Variants in OTUD7A observed in about 807,000 individuals in gnomAD.
OTUD7A encodes the protein OTU deubiquitinase 7A, also known as OTU domain-containing protein 7A.
In OTUD7A, 12 loss-of-function variants were observed where a neutral mutation model predicts 65.7. The observed-to-expected ratio is 0.18, with a 90% CI of 0.12 to 0.30. The LOEUF is 0.30. Ranked by LOEUF, OTUD7A falls within the 10% of genes least tolerant of loss-of-function variation. The pLI is 1.00. For synonymous variants in OTUD7A, 641 were observed against 586.3 expected, an observed-to-expected ratio of 1.09 and a Z score of -1.35; for missense variants, 1,148 against 1,304.8, an observed-to-expected ratio of 0.88 and a Z score of 1.85.
Position 31,673,544 on chromosome 15 carries a change from G to T in OTUD7A, c.-99-16467C>A, listed in dbSNP as rs4041944. 3.7e-3 allele frequency among the ~76,000 whole-genome samples: 559 copies of T among 152,248 alleles called. 5 individuals are homozygous for T. Among genetic ancestry groups the T allele is most frequent in the East Asian group, 0.037 (190 of 5,190 alleles). ...CCCTCAGCATTGGAATGCTTGCAAG[G>T]CCGCTTTGCTTTGAAAGATTTATGT... On this transcript the variant is annotated intron_variant, in intron 1 of 12. Coordinates refer to ENST00000307050, the MANE Select transcript of OTUD7A (RefSeq NM_001382637.1).
At chr15:31,743,536 T>C (rs1040825817) in intron 1 of OTUD7A, among the ~76,000 whole-genome samples, 5 of 151,424 alleles carry the variant, frequency 3.3e-5, no homozygotes, top group Admixed American at 2.6e-4. Context: ...TAAGTATATA[T>C]GAAAGATAAG....
chr15:31,591,784 C>T (rs1889732358), intron 3 of OTUD7A, among the ~76,000 whole-genome samples: 1 of 152,188 alleles, frequency 6.6e-6, no homozygotes. Flanking sequence ...AATGGAAATA[C>T]CTACTGAGAA....
At chr15:31,797,426 C>G (rs1895997175) in intron 1 of OTUD7A, among the ~76,000 whole-genome samples, 1 of 152,160 alleles carries the variant, frequency 6.6e-6, no homozygotes, top group Non-Finnish European at 1.5e-5. Context: ...ACGACGAGTA[C>G]CTATTCCATT....
At chr15:31,816,364 A>T (rs556991254) in intron 1 of OTUD7A, among the ~76,000 whole-genome samples, 1 of 152,230 alleles carries the variant, frequency 6.6e-6, no homozygotes, top group East Asian at 1.9e-4. Flanking sequence ...TTAACAACGA[A>T]TCCCACTATA....
At chr15:31,664,434 T>C (rs1013298706) in intron 1 of OTUD7A, among the ~76,000 whole-genome samples, 3 of 152,198 alleles carry the variant, frequency 2.0e-5, no homozygotes, top group African/African-American at 7.2e-5. Flanking sequence ...TTGAGCATTT[T>C]TTCATGTTTG....
chr15:31,539,329 T>C (rs1351235626), intron 5 of OTUD7A, among the ~76,000 whole-genome samples: 2 of 151,978 alleles, frequency 1.3e-5, no homozygotes, highest in Non-Finnish European at 2.9e-5. Context: ...CCTCTGCTTG[T>C]TCCAGCCTTT....
intron 1 of OTUD7A, among the ~76,000 whole-genome samples, chr15:31,692,776 C>G (rs1892985492): frequency 6.6e-6 from 1 of 151,312 alleles, no homozygotes; most frequent in Non-Finnish European, 1.5e-5. Flanking sequence ...CGAAGCTTAC[C>G]TAAGAACAGC....
chr15:31,815,837 G>A (rs1896535226), intron 1 of OTUD7A, among the ~76,000 whole-genome samples: 1 of 152,246 alleles, frequency 6.6e-6, no homozygotes, highest in African/African-American at 2.4e-5. Context: ...CTACAGAGAT[G>A]AGGAACACTC....
At chr15:31,795,155 A>C (rs1895919578) in intron 1 of OTUD7A, among the ~76,000 whole-genome samples, 1 of 152,244 alleles carries the variant, frequency 6.6e-6, no homozygotes, top group Non-Finnish European at 1.5e-5. Context: ...CCTAGGATAA[A>C]AGGTTACTGG....
intron 1 of OTUD7A, among the ~76,000 whole-genome samples, chr15:31,866,513 T>A (rs545066067): frequency 2.6e-5 from 4 of 152,332 alleles, no homozygotes; most frequent in African/African-American, 9.6e-5. Flanking sequence ...TCCAAAAGTG[T>A]GATGAAGGCG....
chr15:31,501,964 G>A lies in OTUD7A; in HGVS notation c.1022-125C>T, dbSNP rs572338909. On this transcript the variant is annotated intron_variant, in intron 9 of 12. Coordinates refer to ENST00000307050, the MANE Select transcript of OTUD7A (RefSeq NM_001382637.1). ...GTGGAGAAGCGGAGGGACAGGAGGG[G>A]TGGATGGAGGCGGTGCTGAGGGATG... 7.3e-6 allele frequency: 8 copies of A among 1,091,280 alleles called. No homozygotes were observed. In the East Asian group the frequency reaches 1.8e-4, roughly 24 times the overall value. 67.6% of individuals were successfully genotyped at this position (1,091,280 alleles called of 1,614,324 possible). A position where few individuals can be genotyped will look rare whatever the true frequency, so the allele number is the denominator to read the frequency against.
At chr15:31,503,938 C>T in intron 8 of OTUD7A, 120 bp from the exon 9 acceptor site, 2 of 1,238,472 alleles carry the variant, frequency 1.6e-6, no homozygotes, top group Middle Eastern at 2.7e-4. Context: ...CTTCATGGAC[C>T]CCGGCAGCTG....
intron 1 of OTUD7A, among the ~76,000 whole-genome samples, chr15:31,817,277 C>A (rs535054901): frequency 6.9e-6 from 1 of 145,110 alleles, no homozygotes; most frequent in Non-Finnish European, 1.5e-5. Context: ...GATCATTTGC[C>A]CCCCCCCATC....
At chr15:31,599,757 G>A (rs367859812) in intron 3 of OTUD7A, among the ~76,000 whole-genome samples, 32 of 152,212 alleles carry the variant, frequency 2.1e-4, no homozygotes, top group African/African-American at 3.6e-4. Context: ...AAGGTTAGAC[G>A]AATTGCTAAC....
chr15:31,753,706 AT>A lies in OTUD7A; in HGVS notation c.-99-96630del, dbSNP rs1278504272. ...TGTGAGATATATATATATATATTAT[AT>A]ATATATATATATATTATATATATAT... On this transcript the variant is annotated intron_variant, in intron 1 of 12. Transcript: ENST00000307050. Among the ~76,000 whole-genome samples, 18 of 70,760 alleles carry A rather than the reference AT, an allele frequency of 2.5e-4. 1 individual carries two copies. Among genetic ancestry groups the A allele is most frequent in the African/African-American group, 1.1e-3 (15 of 13,766 alleles). The allele number at this position is 70,760 out of a possible 152,430, so 46.4% of individuals were successfully genotyped here.
At chr15:31,716,596 G>A (rs1006819298) in intron 1 of OTUD7A, among the ~76,000 whole-genome samples, 1 of 139,848 alleles carries the variant, frequency 7.2e-6, no homozygotes, top group African/African-American at 2.5e-5. Context: ...CACATGTTCT[G>A]ATACCTTTGT....
intron 1 of OTUD7A, among the ~76,000 whole-genome samples, chr15:31,847,251 C>T (rs1053348803): frequency 3.9e-5 from 6 of 152,184 alleles, no homozygotes; most frequent in African/African-American, 1.4e-4. Flanking sequence ...CCACCCATTC[C>T]CAACATGCAG....
chr15:31,847,198 G>T (rs1242057267), intron 1 of OTUD7A, among the ~76,000 whole-genome samples: 4 of 152,208 alleles, frequency 2.6e-5, no homozygotes, highest in Non-Finnish European at 5.9e-5. Flanking sequence ...TGTGTCCCAG[G>T]TGTAAATACA....
chr15:31,767,989 T>C, intron 1 of OTUD7A: 2 of 1,580,440 alleles, frequency 1.3e-6, no homozygotes, highest in South Asian at 1.1e-5. Flanking sequence ...TCCTCAACAG[T>C]TGTTGCCTTG....
Sources: gnomAD v4.1 joint callset for allele counts (sites outside exome capture counted in the v4.1 genomes callset) on GRCh38, gnomAD v4.1.1 for gene constraint, MANE v1.5 for transcripts, NCBI Gene and HGNC (gene_info 2026-07-23, HGNC 2026-07-21) for gene names.